MCTP1: variants seen among roughly 807,000 people sequenced by gnomAD.
The protein encoded by MCTP1 is multiple C2 and transmembrane domain-containing protein 1.
In MCTP1, 69 loss-of-function variants were observed where a neutral mutation model predicts 120.6. That is an observed-to-expected ratio of 0.57 (90% CI 0.47 to 0.70). MCTP1 has a LOEUF of 0.70. MCTP1 is among the 30% of genes least tolerant of loss of function. The pLI, the probability that MCTP1 is intolerant of heterozygous loss-of-function variation, is 0.00. For synonymous variants in MCTP1, 529 were observed against 493.1 expected, an observed-to-expected ratio of 1.07 and a Z score of -0.96; for missense variants, 1,203 against 1,248.8, an observed-to-expected ratio of 0.96 and a Z score of 0.55.
intron 1 of MCTP1, among the ~76,000 whole-genome samples, chr5:95,211,407 C>T (rs1015264607): frequency 3.3e-5 from 5 of 152,110 alleles, no homozygotes; most frequent in South Asian, 2.1e-4. Flanking sequence ...CTTCCCTTCT[C>T]GCTTCATTTA....
intron 18 of MCTP1, among the ~76,000 whole-genome samples, chr5:94,785,808 G>A (rs1777553287): frequency 6.6e-6 from 1 of 152,058 alleles, no homozygotes; most frequent in East Asian, 1.9e-4. Context: ...TGTAAAGCAA[G>A]AAAAGGGAGC....
intron 1 of MCTP1, among the ~76,000 whole-genome samples, chr5:95,135,777 T>TTA (rs1759403045): frequency 1.3e-5 from 2 of 152,196 alleles, no homozygotes; most frequent in Admixed American, 6.5e-5. Flanking sequence ...AAACTCCCCT[T>TTA]TATATATATG....
At chr5:95,006,016 G>C (rs1475861099) in intron 2 of MCTP1, among the ~76,000 whole-genome samples, 1 of 152,054 alleles carries the variant, frequency 6.6e-6, no homozygotes, top group African/African-American at 2.4e-5. Context: ...ACTGAGACAA[G>C]TTTCATTTAA....
chr5:94,975,464 C>A (rs1424472300), intron 2 of MCTP1, among the ~76,000 whole-genome samples: 3 of 151,846 alleles, frequency 2.0e-5, no homozygotes, highest in African/African-American at 4.8e-5. Context: ...GTCTACAAGC[C>A]AGGAGGCAGG....
chr5:94,769,354 T>C (rs552706819), intron 19 of MCTP1, among the ~76,000 whole-genome samples: 1 of 152,294 alleles, frequency 6.6e-6, no homozygotes, highest in East Asian at 1.9e-4. Flanking sequence ...TATTTCAAAA[T>C]AGCTAGAAGA....
chr5:94,726,167 A>G (rs1580335497), intron 19 of MCTP1, among the ~76,000 whole-genome samples: 1 of 152,130 alleles, frequency 6.6e-6, no homozygotes, highest in South Asian at 2.1e-4. Flanking sequence ...CTTCTGCCTC[A>G]ATTTGTGCTC....
intron 19 of MCTP1, among the ~76,000 whole-genome samples, chr5:94,715,119 G>A (rs927520795): frequency 5.9e-5 from 9 of 151,760 alleles, no homozygotes; most frequent in African/African-American, 1.9e-4. Context: ...CAAGAGCCTC[G>A]GGTTCCTTTG....
chr5:94,934,892 T>A (rs1490697506), intron 5 of MCTP1, among the ~76,000 whole-genome samples: 4 of 151,866 alleles, frequency 2.6e-5, no homozygotes, highest in African/African-American at 9.7e-5. Context: ...TTTCACAAAT[T>A]CTCCAATGAA....
chr5:94,720,910 C>T (rs1760739471), intron 19 of MCTP1, among the ~76,000 whole-genome samples: 1 of 152,126 alleles, frequency 6.6e-6, no homozygotes, highest in African/African-American at 2.4e-5. Context: ...TACTCACAAC[C>T]ATCCTACAAT....
chr5:94,837,630 A>G (rs1206163402), intron 17 of MCTP1, among the ~76,000 whole-genome samples: 1 of 152,200 alleles, frequency 6.6e-6, no homozygotes, highest in Non-Finnish European at 1.5e-5. Context: ...ACTTAGGTTA[A>G]AAGAGTTGAG....
In MCTP1 at chr5:94,707,424, T is replaced by C; in HGVS notation, c.*72A>G. 8.8e-7 allele frequency: 1 copy of C among 1,138,490 alleles called. No individual in the cohort carries two copies. Among genetic ancestry groups the C allele is most frequent in the Non-Finnish European group, 1.3e-6 (1 of 773,110 alleles). 70.5% of individuals were successfully genotyped at this position (1,138,490 alleles called of 1,614,324 possible). A position where few individuals can be genotyped will look rare whatever the true frequency, so the allele number is the denominator to read the frequency against. Reference sequence around the variant, plus strand: ...AAATAAAAAGCAGAAAGAAAGGAAATGCTGCTGAGGCTGAGGGCTTTTTCT... The same window carrying C: ...AAATAAAAAGCAGAAAGAAAGGAAACGCTGCTGAGGCTGAGGGCTTTTTCT... On this transcript the variant is annotated 3_prime_UTR_variant, in exon 23 of 23. Transcript: ENST00000515393.
chr5:95,140,879 CAAAAAAAAAAAAA>C (rs33910299), intron 1 of MCTP1, among the ~76,000 whole-genome samples: 1 of 45,338 alleles, frequency 2.2e-5, no homozygotes, highest in African/African-American at 8.4e-5. Flanking sequence ...GACTCCGTCT[CAAAAAAAAAAAAA>C]AAAAAAAAAA....
rs185666718 is a variant in MCTP1, at chr5:95,046,562, A to C, written c.721-29078T>G. The stretch of plus-strand genomic sequence containing the variant: ...AAATTAAATGAATACGAGCACCAGC[A>C]TAAGTACTACTTCTACCTCACCATT... On this transcript the variant is annotated intron_variant, in intron 1 of 22. Transcript: ENST00000515393. Among the ~76,000 whole-genome samples the C allele has an allele frequency of 9.2e-5, 14 of 152,318 alleles. No homozygotes were observed. The East Asian group carries it at 2.3e-3, about 25-fold the overall frequency.
chr5:94,913,250 A>C (rs1191309923), intron 8 of MCTP1, among the ~76,000 whole-genome samples: 1 of 152,214 alleles, frequency 6.6e-6, no homozygotes, highest in Admixed American at 6.5e-5. Flanking sequence ...TAGATACTTC[A>C]AGAATATCAG....
intron 1 of MCTP1, among the ~76,000 whole-genome samples, chr5:95,092,513 A>T (rs1755925511): frequency 6.6e-6 from 1 of 152,196 alleles, no homozygotes; most frequent in Non-Finnish European, 1.5e-5. Context: ...AAATAGCTAG[A>T]ATCATGGATT....
intron 1 of MCTP1, among the ~76,000 whole-genome samples, chr5:95,040,960 G>A (rs1220424351): frequency 1.3e-5 from 2 of 152,156 alleles, no homozygotes; most frequent in African/African-American, 4.8e-5. Flanking sequence ...GAGGCTGGGT[G>A]GAGAGACAGA....
chr5:95,073,360 A>G (rs1356093404), intron 1 of MCTP1, among the ~76,000 whole-genome samples: 1 of 152,010 alleles, frequency 6.6e-6, no homozygotes. Flanking sequence ...CTTGGCTAGG[A>G]TCCTTTGGCT....
intron 19 of MCTP1, among the ~76,000 whole-genome samples, chr5:94,726,902 A>G (rs1236328791): frequency 1.3e-5 from 2 of 152,188 alleles, no homozygotes; most frequent in Non-Finnish European, 2.9e-5. Flanking sequence ...CCCAAAACTA[A>G]CCTTGAGTTA....
rs1390962057 is a variant in MCTP1, at chr5:94,953,294, G to C, written c.906C>G (p.His302Gln). The C allele has an allele frequency of 1.9e-6, 3 of 1,612,104 alleles. No individual in the cohort carries two copies. Among genetic ancestry groups the C allele is most frequent in the South Asian group, 1.1e-5 (1 of 90,794 alleles). The change falls in exon 3 of 23, where the codon CAC (histidine) becomes CAG (glutamine). Residue 302 changes from histidine to glutamine, a missense_variant. Around this residue, in one of 2 missense-constraint regions of MCTP1, gnomAD observed 740 missense variants for 871.1 expected, o/e 0.85. Transcript: ENST00000515393. ...GKEVFRSKII[H>Q]KNLNPVWEEK... Reference sequence around the variant, plus strand: ...CTTCCCACACAGGGTTGAGGTTCTTGTGTATTATCTTACTTCTAAAAACTT... The same window carrying C: ...CTTCCCACACAGGGTTGAGGTTCTTCTGTATTATCTTACTTCTAAAAACTT...
Sources: allele counts gnomAD v4.1 joint callset (sites outside exome capture counted in the v4.1 genomes callset), GRCh38; gene constraint gnomAD v4.1.1; regional missense constraint gnomAD v4.1.1; transcripts MANE v1.5; gene names NCBI Gene and HGNC (gene_info 2026-07-23, HGNC 2026-07-21).